Variants in EGFR observed in about 807,000 individuals in gnomAD.
EGFR encodes the protein avian erythroblastic leukemia viral (v-erb-b) oncogene homolog.
Under a neutral mutation model 143.0 loss-of-function variants are expected in EGFR, and 58 were observed. That is an observed-to-expected ratio of 0.41 (90% CI 0.33 to 0.50). EGFR has a LOEUF of 0.50. Ranked by LOEUF, EGFR falls within the 20% of genes least tolerant of loss-of-function variation. The probability of loss-of-function intolerance (pLI) is 0.39; values close to 1 mark genes in which losing one functional copy is unlikely to be tolerated. For missense variants in EGFR, 1,307 were observed against 1,579.0 expected, an observed-to-expected ratio of 0.83 and a Z score of 2.92; for synonymous variants, 613 against 594.4, an observed-to-expected ratio of 1.03 and a Z score of -0.45.
At chr7:55,083,650 T>A (rs1358354081) in intron 1 of EGFR, among the ~76,000 whole-genome samples, 1 of 152,242 alleles carries the variant, frequency 6.6e-6, no homozygotes, top group Non-Finnish European at 1.5e-5. Flanking sequence ...GGGGAGATCT[T>A]TGCTGCATCT....
At chr7:55,141,675 T>A (rs1584140255) in intron 1 of EGFR, among the ~76,000 whole-genome samples, 2 of 152,314 alleles carry the variant, frequency 1.3e-5, no homozygotes, top group South Asian at 4.1e-4. Flanking sequence ...GCCAGTTAGG[T>A]TTTTAATTTA....
At chr7:55,043,370 T>C (rs1788006683) in intron 1 of EGFR, among the ~76,000 whole-genome samples, 2 of 152,156 alleles carry the variant, frequency 1.3e-5, no homozygotes, top group Admixed American at 1.3e-4. Context: ...TTGTTTGTTT[T>C]GTTTTTGAGA....
intron 6 of EGFR, 113 bp downstream of exon 6, chr7:55,152,777 C>A: frequency 1.2e-6 from 1 of 863,154 alleles, no homozygotes; most frequent in Non-Finnish European, 1.9e-6. Flanking sequence ...TTTGTCATAA[C>A]AGACAGGATA....
chr7:55,044,499 G>A (rs979831661), intron 1 of EGFR, among the ~76,000 whole-genome samples: 2 of 152,232 alleles, frequency 1.3e-5, no homozygotes, highest in Non-Finnish European at 2.9e-5. Flanking sequence ...CTGGGCACCT[G>A]ACTCAGCAGC....
At chr7:55,032,873 G>A (rs1287837012) in intron 1 of EGFR, among the ~76,000 whole-genome samples, 2 of 152,142 alleles carry the variant, frequency 1.3e-5, no homozygotes, top group African/African-American at 4.8e-5. Context: ...CACTTTTTCA[G>A]CCAGGAATTT....
chr7:55,200,876 T>TC, intron 24 of EGFR: 1 of 499,794 alleles, frequency 2.0e-6, no homozygotes, highest in South Asian at 2.2e-5. Context: ...CAAAATACGC[T>TC]CCCTAACACC....
intron 1 of EGFR, among the ~76,000 whole-genome samples, chr7:55,115,025 G>A (rs1792750665): frequency 6.6e-6 from 1 of 151,896 alleles, no homozygotes; most frequent in African/African-American, 2.4e-5. Flanking sequence ...GGGACTACAG[G>A]TGCCCGCCAC....
Position 55,156,768 on chromosome 7 carries a change from C to T in EGFR, c.1143C>T (p.Phe381=), listed in dbSNP as rs1337319875. 5.0e-6 allele frequency: 8 copies of T among 1,614,090 alleles called. No individual in the cohort carries two copies. The East Asian group carries it at 1.3e-4, about 27-fold the overall frequency. The change falls in exon 10 of 28, where the codon TTC becomes TTT. Residue 381 remains phenylalanine (F), a synonymous_variant. Transcript: ENST00000275493. The part of the protein sequence containing the change: ...ILPVAFRGDS[F]THTPPLDPQE... ...CTGTTGTTTGTTTCAGTGACTCCTT[C>T]ACACATACTCCTCCTCTGGATCCAC...
intron 1 of EGFR, among the ~76,000 whole-genome samples, chr7:55,095,470 G>T (rs1791404754): frequency 6.6e-6 from 1 of 152,200 alleles, no homozygotes; most frequent in African/African-American, 2.4e-5. Flanking sequence ...CCTGTCCTTT[G>T]GGAGAGACAG....
chr7:55,199,022 C>A (rs1280164149), intron 23 of EGFR, among the ~76,000 whole-genome samples, 159 bp downstream of exon 23: 2 of 152,232 alleles, frequency 1.3e-5, no homozygotes, highest in Admixed American at 6.5e-5. Flanking sequence ...TTCAAGCATT[C>A]TTTTAAAGAC....
chr7:55,111,763 C>T (rs1268556303), intron 1 of EGFR, among the ~76,000 whole-genome samples: 1 of 152,110 alleles, frequency 6.6e-6, no homozygotes, highest in Non-Finnish European at 1.5e-5. Flanking sequence ...TGTCAGCAGC[C>T]CAGCAGATAA....
intron 19 of EGFR, among the ~76,000 whole-genome samples, chr7:55,177,441 G>C (rs1040598641): frequency 6.6e-6 from 1 of 152,180 alleles, no homozygotes; most frequent in African/African-American, 2.4e-5. Flanking sequence ...ACGTTCCCCT[G>C]CAGACACCAG....
At chr7:55,099,939 A>G (rs1791704576) in intron 1 of EGFR, among the ~76,000 whole-genome samples, 2 of 152,212 alleles carry the variant, frequency 1.3e-5, no homozygotes. Context: ...CGATGCATCA[A>G]ATGTGCTGGT....
intron 15 of EGFR, among the ~76,000 whole-genome samples, chr7:55,168,305 T>A (rs1470466597): frequency 6.6e-6 from 1 of 152,250 alleles, no homozygotes. Context: ...TGTGCATCAG[T>A]ATCTCTGCAT....
At chr7:55,186,577 C>T (rs921722833) in intron 20 of EGFR, among the ~76,000 whole-genome samples, 1 of 152,132 alleles carries the variant, frequency 6.6e-6, no homozygotes, top group Non-Finnish European at 1.5e-5. Flanking sequence ...TTTGTTCTTG[C>T]GTATTCCACA....
At chr7:55,023,473 C>A (rs1007042662) in intron 1 of EGFR, among the ~76,000 whole-genome samples, 1 of 151,890 alleles carries the variant, frequency 6.6e-6, no homozygotes, top group Non-Finnish European at 1.5e-5. Context: ...CACGGTGAAA[C>A]CCAGTCTCTA....
chr7:55,191,194 GTAA>G (rs970580746), intron 20 of EGFR, among the ~76,000 whole-genome samples: 9 of 152,064 alleles, frequency 5.9e-5, no homozygotes, highest in South Asian at 2.1e-4. Flanking sequence ...TGTGGTTTCA[GTAA>G]TAATAATAAT....
intron 23 of EGFR, among the ~76,000 whole-genome samples, chr7:55,199,864 T>C (rs1285011326): frequency 6.6e-6 from 1 of 152,042 alleles, no homozygotes; most frequent in East Asian, 1.9e-4. Flanking sequence ...ACGCCGGGGG[T>C]AGGGGCCCAG....
chr7:55,040,504 C>T (rs182565965), intron 1 of EGFR, among the ~76,000 whole-genome samples: 26 of 152,156 alleles, frequency 1.7e-4, no homozygotes, highest in Admixed American at 6.5e-4. Context: ...TTATTTTACT[C>T]ATTGCTGTAT....
Sources: allele counts gnomAD v4.1 joint callset (sites outside exome capture counted in the v4.1 genomes callset), GRCh38; gene constraint gnomAD v4.1.1; transcripts MANE v1.5; gene names NCBI Gene and HGNC (gene_info 2026-07-23, HGNC 2026-07-21).